The following ARID1B variants were observed in gnomAD, a reference collection of about 807,000 sequenced individuals.
The protein encoded by ARID1B is AT-rich interactive domain-containing protein 1B.
Under a neutral mutation model 212.3 loss-of-function variants are expected in ARID1B, and 30 were observed. The ratio of observed to expected loss-of-function variants is 0.14; its 90% CI spans 0.11 to 0.19. The LOEUF (loss-of-function observed/expected upper bound fraction) is 0.19. Ranked by LOEUF, ARID1B falls within the 10% of genes least tolerant of loss-of-function variation. The probability of loss-of-function intolerance (pLI) is 1.00; values close to 1 mark genes in which losing one functional copy is unlikely to be tolerated. For missense variants in ARID1B, 2,891 were observed against 3,204.0 expected, an observed-to-expected ratio of 0.90 and a Z score of 2.36; for synonymous variants, 1,402 against 1,301.7, an observed-to-expected ratio of 1.08 and a Z score of -1.66.
At chr6:157,120,867 G>C (rs1465791506) in intron 6 of ARID1B, among the ~76,000 whole-genome samples, 2 of 152,140 alleles carry the variant, frequency 1.3e-5, no homozygotes, top group Non-Finnish European at 2.9e-5. Context: ...AGCTGACGAG[G>C]CACCTTTGAT....
chr6:157,014,884 TA>T (rs10601743), intron 4 of ARID1B, among the ~76,000 whole-genome samples: 10,581 of 142,018 alleles, frequency 0.075, 934 homozygotes, highest in African/African-American at 0.22. Flanking sequence ...ATGCCAGGAA[TA>T]AAAAAAAAAA....
chr6:157,048,310 A>G (rs111577699), intron 4 of ARID1B, among the ~76,000 whole-genome samples: 22 of 152,348 alleles, frequency 1.4e-4, no homozygotes, highest in African/African-American at 5.1e-4. Context: ...ATACTTGCAT[A>G]ACAGATGTAT....
rs1456409388 is a variant in ARID1B, at chr6:157,206,535, T to A, written c.5763T>A (p.Phe1921Leu). 6.2e-7 allele frequency: 1 copy of A among 1,614,052 alleles called. No individual in the cohort carries two copies. Among genetic ancestry groups the A allele is most frequent in the Admixed American group, 1.7e-5 (1 of 60,000 alleles). ...AGATAGTCAAAAAGAACAACCTGTT[T>A]GTTGTTGACCGATCTGACAAGTTGG... ...PIKIVKKNNLFVVDRSDKLGR... is the reference protein window; with the variant it reads ...PIKIVKKNNLLVVDRSDKLGR... The change falls in exon 20 of 20, where the codon TTT (phenylalanine) becomes TTA (leucine). Residue 1921 changes from phenylalanine (F) to leucine (L), a missense_variant. Transcript: ENST00000636930. The surrounding 1 kb of genome is among the most constrained non-coding windows in gnomAD (Gnocchi z 6.8).
At chr6:157,100,234 A>C (rs941793157) in intron 5 of ARID1B, among the ~76,000 whole-genome samples, 1 of 152,178 alleles carries the variant, frequency 6.6e-6, no homozygotes, top group African/African-American at 2.4e-5. Context: ...CTGTTCACCA[A>C]CATCTTCCCC....
In ARID1B at chr6:156,778,775, C is replaced by T; in HGVS notation, c.1095C>T (p.Pro365=). The T allele has an allele frequency of 1.3e-6, 2 of 1,515,120 alleles. No individual in the cohort carries two copies. Among genetic ancestry groups the T allele is most frequent in the Non-Finnish European group, 8.9e-7 (1 of 1,129,694 alleles). 93.9% of individuals were successfully genotyped at this position (1,515,120 alleles called of 1,614,324 possible). ...CCGGGGCCCCCGGCAGCATGGACCC[C>T]CTGCAGAACTCCCACGAAGGGTACC... is the stretch of plus-strand genomic sequence containing the variant. The part of the protein sequence containing the change: ...AAAGAPGSMD[P]LQNSHEGYPN... Residue 365 remains proline, a synonymous_variant, in exon 1 of 20, where the codon CCC becomes CCT. Coordinates refer to ENST00000636930, the MANE Select transcript of ARID1B (RefSeq NM_001374828.1).
chr6:157,055,122 G>A (rs1782866959), intron 4 of ARID1B, among the ~76,000 whole-genome samples: 1 of 152,234 alleles, frequency 6.6e-6, no homozygotes, highest in Non-Finnish European at 1.5e-5. Flanking sequence ...GATACCTCAG[G>A]TGGAGCTTAG....
chr6:156,888,400 T>C (rs1214948929), intron 2 of ARID1B, among the ~76,000 whole-genome samples: 1 of 152,248 alleles, frequency 6.6e-6, no homozygotes, highest in Admixed American at 6.5e-5. Context: ...CTGACACTTA[T>C]TTTAAAGTCT....
intron 9 of ARID1B, chr6:157,168,972 T>C (rs1791520772): frequency 6.6e-6 from 1 of 152,254 alleles, no homozygotes; most frequent in African/African-American, 2.4e-5. Flanking sequence ...AGAGGAGGAC[T>C]GGCCATTTCA....
intron 6 of ARID1B, 161 bp downstream of exon 6, chr6:157,110,722 G>T (rs1224983108): frequency 5.6e-6 from 4 of 710,220 alleles, no homozygotes; most frequent in Non-Finnish European, 9.4e-6. Context: ...CAAATATGGA[G>T]AGGAGGGAGG....
chr6:156,807,269 C>G (rs995821033), intron 1 of ARID1B, among the ~76,000 whole-genome samples: 1 of 152,008 alleles, frequency 6.6e-6, no homozygotes, highest in African/African-American at 2.4e-5. Flanking sequence ...AGGGAGCCAG[C>G]GGATCACGTG....
intron 5 of ARID1B, among the ~76,000 whole-genome samples, chr6:157,095,656 T>C (rs374943870): frequency 3.5e-4 from 53 of 152,178 alleles, no homozygotes; most frequent in African/African-American, 1.2e-3. Flanking sequence ...TGAGGTTTTT[T>C]CCCCTGATCT....
At chr6:157,067,446 G>A (rs2128420883) in intron 4 of ARID1B, among the ~76,000 whole-genome samples, 2 of 152,314 alleles carry the variant, frequency 1.3e-5, no homozygotes, top group Middle Eastern at 6.8e-3. Flanking sequence ...CCTCATTCCT[G>A]AGAATGGGGT....
Position 157,207,057 on chromosome 6 carries a change from G to A in ARID1B, c.6285G>A (p.Val2095=). 1 of 1,614,236 alleles carries A rather than the reference G, an allele frequency of 6.2e-7. No individual in the cohort carries two copies. The highest frequency in any genetic ancestry group is 1.6e-4 in the Middle Eastern group (1 of 6,062). ...DAEMSKHPGL[V]LILGKLILLH... Reference sequence around the variant, plus strand: ...AAATGTCCAAACATCCAGGCCTGGTGCTGATCCTGGGGAAGCTGATTCTTC... The same window carrying A: ...AAATGTCCAAACATCCAGGCCTGGTACTGATCCTGGGGAAGCTGATTCTTC... Residue 2095 remains valine (V), a synonymous_variant, in exon 20 of 20, where the codon GTG becomes GTA. Transcript: ENST00000636930. The surrounding 1 kb of genome is among the most constrained non-coding windows in gnomAD (Gnocchi z 8.5).
intron 4 of ARID1B, among the ~76,000 whole-genome samples, chr6:157,056,200 T>G (rs1782944039): frequency 6.6e-6 from 1 of 152,146 alleles, no homozygotes. Context: ...GGCTGGGAGT[T>G]TTAGGAACCA....
At chr6:157,120,476 C>T (rs567964918) in intron 6 of ARID1B, among the ~76,000 whole-genome samples, 4 of 152,268 alleles carry the variant, frequency 2.6e-5, no homozygotes, top group South Asian at 2.1e-4. Flanking sequence ...AAGCCTTGAA[C>T]GGGCCATTAG....
At chr6:156,988,393 A>T (rs962505224) in intron 4 of ARID1B, among the ~76,000 whole-genome samples, 3 of 152,132 alleles carry the variant, frequency 2.0e-5, no homozygotes, top group Non-Finnish European at 4.4e-5. Context: ...GCAGCCTGCC[A>T]CTGTTTTTTG....
intron 2 of ARID1B, among the ~76,000 whole-genome samples, chr6:156,891,769 A>G (rs1411801300): frequency 2.6e-5 from 4 of 151,680 alleles, no homozygotes; most frequent in Non-Finnish European, 5.9e-5. Context: ...GTTGATGGAC[A>G]TTTAAACATT....
Position 156,932,131 on chromosome 6 carries a change from TA to T in ARID1B, c.2137-3321del, listed in dbSNP as rs372027661. ...AGCCACAGATCGAGACCTTGTTTCT[TA>T]AAAAAAAAAAAAAGGGGGGGGGCGG... On this transcript the variant is annotated intron_variant, in intron 3 of 19. Transcript: ENST00000636930. Among the ~76,000 whole-genome samples the T allele has an allele frequency of 8.2e-3, 376 of 45,738 alleles. 5 individuals are homozygous for T. The highest frequency in any genetic ancestry group is 0.022 in the African/African-American group (300 of 13,508). The allele number at this position is 45,738 out of a possible 152,430, so 30.0% of individuals were successfully genotyped here.
chr6:156,830,096 A>T (rs1476016505), intron 2 of ARID1B, among the ~76,000 whole-genome samples: 2 of 152,186 alleles, frequency 1.3e-5, no homozygotes, highest in African/African-American at 4.8e-5. Context: ...ACCCTCTAGC[A>T]GTGGTAAACC....
Sources: allele counts gnomAD v4.1 joint callset (sites outside exome capture counted in the v4.1 genomes callset), GRCh38; gene constraint gnomAD v4.1.1; non-coding constraint Gnocchi (gnomAD v3.1); transcripts MANE v1.5; gene names NCBI Gene and HGNC (gene_info 2026-07-23, HGNC 2026-07-21).